Variants in JAK2 observed in about 807,000 individuals in gnomAD.
JAK2 encodes Janus kinase 2, also known as tyrosine-protein kinase JAK2.
In JAK2, 86 loss-of-function variants were observed where a neutral mutation model predicts 139.3. The ratio of observed to expected loss-of-function variants is 0.62; its 90% CI spans 0.52 to 0.74. The LOEUF (loss-of-function observed/expected upper bound fraction) is 0.74, where lower values mean the gene tolerates loss of function less well. JAK2 is among the 30% of genes least tolerant of loss of function. JAK2 has a pLI of 0.00. For missense variants in JAK2, 1,421 were observed against 1,360.3 expected (o/e 1.04, Z -0.70); for synonymous variants, 490 against 437.7 (o/e 1.12, Z -1.49).
At chr9:5,078,944 C>T (rs960812560) in intron 16 of JAK2, among the ~76,000 whole-genome samples, 16 of 152,274 alleles carry the variant, frequency 1.1e-4, no homozygotes, top group Non-Finnish European at 1.6e-4. Flanking sequence ...ATACAAATTT[C>T]AGTCAGATAG....
intron 2 of JAK2, among the ~76,000 whole-genome samples, chr9:4,995,853 T>C (rs1276265691): frequency 1.3e-5 from 2 of 152,248 alleles, no homozygotes; most frequent in Non-Finnish European, 2.9e-5. Flanking sequence ...TTACCTTTTT[T>C]TTAAACTTTA....
intron 12 of JAK2, 77 bp downstream of exon 12, chr9:5,070,129 G>A: frequency 9.8e-7 from 1 of 1,024,440 alleles, no homozygotes; most frequent in Admixed American, 2.6e-5. Flanking sequence ...ACATTCATGT[G>A]ACATTGGAAT....
chr9:5,035,356 A>T (rs1405887103), intron 4 of JAK2, among the ~76,000 whole-genome samples: 3 of 152,260 alleles, frequency 2.0e-5, no homozygotes, highest in Non-Finnish European at 4.4e-5. Context: ...CAATAGAATA[A>T]GAGGGAATCC....
chr9:5,035,680 A>G (rs1166659847), intron 4 of JAK2, among the ~76,000 whole-genome samples: 5 of 152,218 alleles, frequency 3.3e-5, no homozygotes, highest in Non-Finnish European at 5.9e-5. Context: ...AAATTCAACA[A>G]CCCTTCATGC....
At chr9:5,111,881 G>C (rs978340369) in intron 22 of JAK2, 1 of 373,554 alleles carries the variant, frequency 2.7e-6, no homozygotes, top group African/African-American at 2.2e-5. Context: ...ACCACAGCCA[G>C]CAGCTCTGGG....
In JAK2 at chr9:5,054,592, G is replaced by T; in HGVS notation, c.644G>T (p.Arg215Leu). 2 of 1,594,736 alleles carry T rather than the reference G, an allele frequency of 1.3e-6. No individual in the cohort carries two copies. Among genetic ancestry groups the T allele is most frequent in the South Asian group, 2.3e-5 (2 of 88,326 alleles). ...SYKTFLPKCI[R>L]AKIQDYHILT... ...AAGACATTCTTACCAAAATGTATTCGAGCAAAGATCCAAGACTATCATATT... is the reference window on the plus strand; with the variant it reads ...AAGACATTCTTACCAAAATGTATTCTAGCAAAGATCCAAGACTATCATATT... Residue 215 changes from arginine to leucine, a missense_variant, in exon 7 of 25, where the codon CGA becomes CTA. Coordinates refer to ENST00000381652, the MANE Select transcript of JAK2 (RefSeq NM_004972.4). This position sits in a 1 kb window ranked among gnomAD's most constrained non-coding sequence, Gnocchi z 4.9.
chr9:5,013,283 A>ATATT (rs748224044), intron 2 of JAK2, among the ~76,000 whole-genome samples: 10 of 152,198 alleles, frequency 6.6e-5, no homozygotes, highest in African/African-American at 9.6e-5. Context: ...TCACCTCACC[A>ATATT]TATTTAGGTT....
At chr9:5,083,695 T>C (rs925609646) in intron 19 of JAK2, among the ~76,000 whole-genome samples, 7 of 152,116 alleles carry the variant, frequency 4.6e-5, no homozygotes, top group African/African-American at 1.4e-4. Context: ...ATTTAAGAAG[T>C]AGACATAACA....
chr9:5,055,640 T>G, intron 7 of JAK2, 29 bp from the exon 8 acceptor site: 9 of 1,504,372 alleles, frequency 6.0e-6, no homozygotes, highest in Non-Finnish European at 8.2e-6. Context: ...ATTCTACCCG[T>G]TTTTAATTTT....
chr9:5,085,693 C>G (rs1177509624), intron 19 of JAK2: 2 of 741,656 alleles, frequency 2.7e-6, no homozygotes, highest in Non-Finnish European at 5.0e-6. Context: ...ATAACGTCAT[C>G]GTGAACAAGA....
Position 5,121,492 on chromosome 9 carries a change from G to C in JAK2, c.3060-1512G>C, listed in dbSNP as rs147889348. 4.7e-3 allele frequency among the ~76,000 whole-genome samples: 719 copies of C among 152,248 alleles called. 4 individuals are homozygous for C. The highest frequency in any genetic ancestry group is 0.016 in the African/African-American group (645 of 41,558). ...CTTCATGACAGGAGGTAGTTTTGCA[G>C]CTTGGAAGGAGGCTCCTGCTGAAGT... On this transcript the variant is annotated intron_variant, in intron 22 of 24. Coordinates refer to ENST00000381652, the MANE Select transcript of JAK2 (RefSeq NM_004972.4).
chr9:4,997,577 G>A lies in JAK2; in HGVS notation c.-26+11555G>A, dbSNP rs148144239. Among the ~76,000 whole-genome samples, 870 of 152,226 alleles carry A rather than the reference G, an allele frequency of 5.7e-3. 9 individuals carry two copies. Among genetic ancestry groups the A allele is most frequent in the African/African-American group, 0.02 (834 of 41,518 alleles). On this transcript the variant is annotated intron_variant, in intron 2 of 24. Transcript: ENST00000381652. ...CCCATGATCAAGTCACCTCCCACCA[G>A]GCCTCACCTCCAACATTGGGGATTA...
At chr9:5,123,775 A>T (rs1823789224) in intron 23 of JAK2, among the ~76,000 whole-genome samples, 1 of 151,930 alleles carries the variant, frequency 6.6e-6, no homozygotes, top group Non-Finnish European at 1.5e-5. Context: ...CCAACAGTGT[A>T]TAAGAGTTCC....
At chr9:5,006,352 C>A (rs944959394) in intron 2 of JAK2, among the ~76,000 whole-genome samples, 2 of 152,244 alleles carry the variant, frequency 1.3e-5, no homozygotes, top group African/African-American at 4.8e-5. Context: ...TATGCTGAGA[C>A]TTTGCTGAAG....
Position 5,021,986 on chromosome 9 carries a change from G to A in JAK2, c.-2G>A. ...AGGCAAATGTTCTGAAAAAGACTCT[G>A]CATGGGAATGGCCTGCCTTACGATG... On this transcript the variant is annotated 5_prime_UTR_variant, in exon 3 of 25. Transcript: ENST00000381652. The A allele has an allele frequency of 6.2e-7, 1 of 1,608,320 alleles. No homozygotes were observed. Among genetic ancestry groups the A allele is most frequent in the South Asian group, 1.1e-5 (1 of 90,922 alleles).
chr9:5,053,904 C>T (rs531578552), intron 6 of JAK2, among the ~76,000 whole-genome samples: 58 of 151,788 alleles, frequency 3.8e-4, no homozygotes, highest in Non-Finnish European at 6.6e-4. Flanking sequence ...GCATATATTA[C>T]GGCATGGAAA....
In JAK2 at chr9:5,126,670, T is replaced by C; in HGVS notation, c.3292-14T>C. On this transcript the variant is annotated splice_polypyrimidine_tract_variant and intron_variant, in intron 24 of 24. Coordinates refer to ENST00000381652, the MANE Select transcript of JAK2 (RefSeq NM_004972.4). ...TAGTGTTCATTTAATTTTGGTTTAT[T>C]TTCTCCTTTACAGATCTATATGATC... 6.3e-7 allele frequency: 1 copy of C among 1,577,348 alleles called. No homozygotes were observed. Among genetic ancestry groups the C allele is most frequent in the Non-Finnish European group, 8.6e-7 (1 of 1,157,208 alleles).
At chr9:4,995,171 CTT>C (rs1299146906) in intron 2 of JAK2, among the ~76,000 whole-genome samples, 1 of 152,034 alleles carries the variant, frequency 6.6e-6, no homozygotes, top group Non-Finnish European at 1.5e-5. Context: ...TTTTATTCTC[CTT>C]TTTTAGGGAA....
In JAK2 at chr9:5,081,824, A is replaced by C; in HGVS notation, c.2534A>C (p.Glu845Ala). The C allele has an allele frequency of 6.2e-7, 1 of 1,613,738 alleles. No individual in the cohort carries two copies. The change falls in exon 19 of 25, where the codon GAA (glutamate) becomes GCA (alanine). Residue 845 changes from glutamate to alanine, a missense_variant. Glu to Ala is a moderately radical substitution (Grantham distance 107). Coordinates refer to ENST00000381652, the MANE Select transcript of JAK2 (RefSeq NM_004972.4). Reference protein sequence around the residue: ...AFEDRDPTQFEERHLKFLQQL... With the variant: ...AFEDRDPTQFAERHLKFLQQL... ...GAAGACCGGGATCCTACACAGTTTG[A>C]AGAGAGACATTTGAAATTTCTACAG...
Sources: gnomAD v4.1 joint callset for allele counts (sites outside exome capture counted in the v4.1 genomes callset) on GRCh38, gnomAD v4.1.1 for gene constraint, Gnocchi (gnomAD v3.1) non-coding constraint, MANE v1.5 for transcripts, NCBI Gene and HGNC (gene_info 2026-07-23, HGNC 2026-07-21) for gene names.